ATP13A2: variants seen among roughly 807,000 people sequenced by gnomAD.
ATP13A2 encodes polyamine-transporting ATPase 13A2.
In ATP13A2, 83 loss-of-function variants were observed where a neutral mutation model predicts 138.3. The observed-to-expected ratio is 0.60, with a 90% confidence interval of 0.50 to 0.72. The LOEUF (loss-of-function observed/expected upper bound fraction) is 0.72. ATP13A2 is among the 30% of genes least tolerant of loss of function. ATP13A2 has a pLI of 0.00. For missense variants in ATP13A2, 1,402 were observed against 1,606.4 expected, an observed-to-expected ratio of 0.87 and a Z score of 2.17; for synonymous variants, 663 against 699.0, an observed-to-expected ratio of 0.95 and a Z score of 0.81.
Position 16,993,781 on chromosome 1 carries a change from C to T in ATP13A2, c.1597G>A (p.Gly533Arg). ...LDVMGVVPLKGQAFLPLVPEP... is the reference protein window; with the variant it reads ...LDVMGVVPLKRQAFLPLVPEP... ...GGGACCAGGGGCAGGAATGCCTGCC[C>T]CTTCAGGGGCACCACCCCCATCACG... The change falls in exon 16 of 29, where the codon GGG becomes AGG. Residue 533 changes from glycine to arginine, a missense_variant. Transcript: ENST00000326735. 2.5e-6 allele frequency: 4 copies of T among 1,585,950 alleles called. No homozygotes were observed. The highest frequency in any genetic ancestry group is 3.4e-6 in the Non-Finnish European group (4 of 1,166,874).
chr1:17,007,473 G>T (rs1255935176), intron 1 of ATP13A2, among the ~76,000 whole-genome samples: 3 of 151,960 alleles, frequency 2.0e-5, no homozygotes, highest in East Asian at 3.9e-4. Context: ...TGGAAAAGCT[G>T]GGCGGGTGCG....
rs146559160 is a variant in ATP13A2 at position 16,987,151 on chromosome 1, G to C, written c.2978C>G (p.Pro993Arg). Residue 993 changes from proline to arginine, a missense_variant, in exon 26 of 29, where the codon CCG becomes CGG. Coordinates refer to ENST00000326735, the MANE Select transcript of ATP13A2 (RefSeq NM_022089.4). ...CACGGGCACGCTGAGCAGCGCCCCC[G>C]GTGGCCGCACCCGTCCCAGGACCAG... ...PALVLGRVRP[P>R]GALLSVPVLS... is the part of the protein sequence containing the mutation. 5.6e-6 allele frequency: 9 copies of C among 1,612,986 alleles called. No individual in the cohort carries two copies. Among genetic ancestry groups the C allele is most frequent in the Non-Finnish European group, 7.6e-6 (9 of 1,179,640 alleles).
intron 20 of ATP13A2, 114 bp downstream of exon 20, chr1:16,991,620 C>G: frequency 6.7e-7 from 1 of 1,503,098 alleles, no homozygotes; most frequent in Non-Finnish European, 9.2e-7. Context: ...AAGGACCTGG[C>G]CTGAAGCAAG....
At position 16,995,845 on chromosome 1, in the gene ATP13A2, G is replaced by T; in HGVS notation, c.1542+131C>A. Reference sequence around the variant, plus strand: ...AGGAGTGGGATGGGGTGGATCCTCTGGGGGTTTCCATCCCTAGACAGGACC... The same window carrying T: ...AGGAGTGGGATGGGGTGGATCCTCTTGGGGTTTCCATCCCTAGACAGGACC... On this transcript the variant is annotated intron_variant, in intron 15 of 28. Coordinates refer to ENST00000326735, the MANE Select transcript of ATP13A2 (RefSeq NM_022089.4). This position sits in a 1 kb window ranked among gnomAD's most constrained non-coding sequence, Gnocchi z 4.1. The T allele has an allele frequency of 9.0e-7, 1 of 1,114,084 alleles. No individual in the cohort carries two copies. The highest frequency in any genetic ancestry group is 1.3e-6 in the Non-Finnish European group (1 of 758,924). 69.0% of individuals were successfully genotyped at this position (1,114,084 alleles called of 1,614,324 possible).
At chr1:16,996,541 G>A (rs771372099) in intron 12 of ATP13A2, 45 bp from the exon 13 acceptor site, 1 of 1,529,422 alleles carries the variant, frequency 6.5e-7, no homozygotes, top group Admixed American at 1.7e-5. Flanking sequence ...CCAGGGTGAG[G>A]GCAGGCCTTC....
intron 8 of ATP13A2, among the ~76,000 whole-genome samples, chr1:17,001,644 A>G (rs1398272075): frequency 1.3e-5 from 2 of 152,078 alleles, no homozygotes; most frequent in Admixed American, 6.6e-5. Flanking sequence ...TGAAGCTTGG[A>G]TTTCTCAGGT....
At position 16,986,967 on chromosome 1, in the gene ATP13A2, A is replaced by G. The variant is rs765618139; in HGVS notation, c.3084-11T>C. On this transcript the variant is annotated splice_polypyrimidine_tract_variant and intron_variant, in intron 26 of 28. Coordinates refer to ENST00000326735, the MANE Select transcript of ATP13A2 (RefSeq NM_022089.4). This position sits in a 1 kb window ranked among gnomAD's most constrained non-coding sequence, Gnocchi z 6.9. ...TTCAGAGGCACGAACCTGGGGGTAC[A>G]GGGATGGGGGTCAGGGAACGAACGT... is the stretch of plus-strand genomic sequence containing the variant. 13 of 1,584,212 alleles carry G rather than the reference A, an allele frequency of 8.2e-6. No homozygotes were observed. The highest frequency in any genetic ancestry group is 1.1e-5 in the Non-Finnish European group (13 of 1,165,682).
At position 16,988,149 on chromosome 1, in the gene ATP13A2, T is replaced by C. The variant is rs373413809; in HGVS notation, c.2848A>G (p.Ile950Val). ...YSLTQFISVL[I>V]LYTINTNLGD... ...CTGCAGATACTCACCGTGTAGAGGA[T>C]CAGGACGGAGATGAACTGGGTCAGG... Residue 950 changes from isoleucine (I) to valine (V), a missense_variant, in exon 25 of 29, where the codon ATC becomes GTC. Transcript: ENST00000326735. 6 of 1,613,730 alleles carry C rather than the reference T, an allele frequency of 3.7e-6. No individual in the cohort carries two copies. In the African/African-American group the frequency reaches 8.0e-5, roughly 22 times the overall value.
intron 23 of ATP13A2, among the ~76,000 whole-genome samples, chr1:16,989,185 G>A (rs1282345569): frequency 2.0e-5 from 3 of 152,042 alleles, no homozygotes; most frequent in South Asian, 2.1e-4. Context: ...CAAAGCGCTG[G>A]GATTACTGGC....
Position 17,004,701 on chromosome 1 carries a change from A to G in ATP13A2, c.468T>C (p.Ser156=). 6.2e-7 allele frequency: 1 copy of G among 1,613,894 alleles called. No homozygotes were observed. ...AQLHKSEEAV[S]VGQKRVLRYY... ...CTTTTTCAGAACCCACCTGTCCGAC[A>G]CTCACCGCCTCCTCGCTCTTGTGGA... The change falls in exon 5 of 29, where the codon AGT becomes AGC. Residue 156 remains serine (S), a synonymous_variant. Transcript: ENST00000326735. The surrounding 1 kb of genome is among the most constrained non-coding windows in gnomAD (Gnocchi z 4.1).
rs116530655 is a variant in ATP13A2, at chr1:16,987,888, G to T, written c.2859+250C>A. ...TGCAGATTGGGGAGCTCCCAGAGTT[G>T]CGGTCAAGATGTTAGCCCATGACAG... On this transcript the variant is annotated intron_variant, in intron 25 of 28. Transcript: ENST00000326735. 9.4e-3 allele frequency among the ~76,000 whole-genome samples: 1,435 copies of T among 152,284 alleles called. 27 individuals are homozygous for T. Among genetic ancestry groups the T allele is most frequent in the African/African-American group, 0.033 (1,375 of 41,548 alleles).
rs755548920 is a variant in ATP13A2, at chr1:17,000,027, A to G, written c.1023T>C (p.Asn341=). 5 of 1,610,722 alleles carry G rather than the reference A, an allele frequency of 3.1e-6. No homozygotes were observed. The Admixed American group carries it at 5.0e-5, about 16-fold the overall frequency. The change falls in exon 11 of 29, where the codon AAT becomes AAC. Residue 341 remains asparagine (N), a synonymous_variant. Transcript: ENST00000326735. ...AALVAGECMV[N]ESSLTGESIP... Reference sequence around the variant, plus strand: ...GGGGCTCACCTGTCAGAGAGCTCTCATTCACCATGCACTCGCCGGCCACCA... The same window carrying G: ...GGGGCTCACCTGTCAGAGAGCTCTCGTTCACCATGCACTCGCCGGCCACCA...
intron 10 of ATP13A2, 26 bp downstream of exon 10, chr1:17,000,220 C>A (rs1259975721): frequency 1.3e-6 from 2 of 1,554,586 alleles, no homozygotes; most frequent in Non-Finnish European, 1.7e-6. Context: ...ACTCCTGCCC[C>A]CGCCCCCTGG....
chr1:17,010,404 G>A (rs2077741818), intron 1 of ATP13A2, among the ~76,000 whole-genome samples: 1 of 152,162 alleles, frequency 6.6e-6, no homozygotes, highest in Admixed American at 6.5e-5. Context: ...ATGAACAGCA[G>A]CTCCCATGGA....
rs768796427 is a variant in ATP13A2 at position 16,996,449 on chromosome 1, G to T, written c.1243C>A (p.Arg415=). Residue 415 remains arginine, a synonymous_variant, in exon 13 of 29, where the codon CGG becomes AGG. Transcript: ENST00000326735. The part of the protein sequence containing the change: ...GGLVSSILHP[R]PINFKFYKHS... ...TTATAGAACTTGAAGTTGATGGGCC[G>T]GGGGTGCAAGATGGAGCTCACCAGG... 2 of 1,614,124 alleles carry T rather than the reference G, an allele frequency of 1.2e-6. No homozygotes were observed. Among genetic ancestry groups the T allele is most frequent in the Non-Finnish European group, 1.7e-6 (2 of 1,180,014 alleles).
chr1:17,009,362 T>C (rs2077690704), intron 1 of ATP13A2, among the ~76,000 whole-genome samples: 1 of 148,690 alleles, frequency 6.7e-6, no homozygotes, highest in African/African-American at 2.5e-5. Flanking sequence ...TGCTGGGAGT[T>C]GGGGGGAGGG....
chr1:16,988,559 C>G, intron 23 of ATP13A2, 85 bp from the exon 24 acceptor site: 1 of 1,568,914 alleles, frequency 6.4e-7, no homozygotes, highest in East Asian at 2.3e-5. Context: ...GACAGCTGGG[C>G]CCCTAATGCC....
chr1:17,005,862 C>T, intron 1 of ATP13A2, 84 bp from the exon 2 acceptor site: 6 of 1,328,006 alleles, frequency 4.5e-6, no homozygotes, highest in Admixed American at 4.0e-5. Context: ...AGCCTGGGCG[C>T]GGTGGCTCAC....
chr1:17,004,803 C>T lies in ATP13A2; in HGVS notation c.366G>A (p.Gln122=). Reference sequence around the variant, plus strand: ...GGCTCCGGCCATCCTCTGCCTGGGACTGTGGGGACGGCTCCAGGCTGGGGA... The same window carrying T: ...GGCTCCGGCCATCCTCTGCCTGGGATTGTGGGGACGGCTCCAGGCTGGGGA... ...IGEGSLEPSP[Q]SQAEDGRSQA... The change falls in exon 5 of 29, where the codon CAG becomes CAA. Residue 122 remains glutamine, a synonymous_variant. Coordinates refer to ENST00000326735, the MANE Select transcript of ATP13A2 (RefSeq NM_022089.4). The surrounding 1 kb of genome is among the most constrained non-coding windows in gnomAD (Gnocchi z 4.1). The T allele has an allele frequency of 6.2e-7, 1 of 1,613,932 alleles. No individual in the cohort carries two copies. The highest frequency in any genetic ancestry group is 1.1e-5 in the South Asian group (1 of 91,088).
Sources: gnomAD v4.1 joint callset for allele counts (sites outside exome capture counted in the v4.1 genomes callset) on GRCh38, gnomAD v4.1.1 for gene constraint, Gnocchi (gnomAD v3.1) non-coding constraint, MANE v1.5 for transcripts, NCBI Gene and HGNC (gene_info 2026-07-23, HGNC 2026-07-21) for gene names.